The following EVI5 variants were observed in gnomAD, a reference collection of about 807,000 sequenced individuals.
EVI5 encodes ecotropic viral integration site 5 protein homolog.
A neutral mutation model predicts 112.0 loss-of-function variants in EVI5; 73 were observed. The observed-to-expected ratio is 0.65, with a 90% CI of 0.54 to 0.79. The LOEUF (loss-of-function observed/expected upper bound fraction) is 0.79. Ranked by LOEUF, EVI5 falls within the 30% of genes least tolerant of loss-of-function variation. The pLI is 0.00. For missense variants in EVI5, 900 were observed against 968.8 expected, an observed-to-expected ratio of 0.93 and a Z score of 0.94; for synonymous variants, 305 against 319.9, an observed-to-expected ratio of 0.95 and a Z score of 0.50.
intron 9 of EVI5, 131 bp downstream of exon 9, chr1:92,693,671 A>C: frequency 1.7e-6 from 1 of 597,940 alleles, no homozygotes; most frequent in East Asian, 2.8e-5. Context: ...TTCCAACATT[A>C]GCTTTATGCT....
intron 19 of EVI5, among the ~76,000 whole-genome samples, chr1:92,516,376 A>G (rs1347815957): frequency 6.6e-6 from 1 of 152,148 alleles, no homozygotes; most frequent in Non-Finnish European, 1.5e-5. Flanking sequence ...AATTATAGAA[A>G]ATTAACTATA....
rs1322270625 is a variant in EVI5, at chr1:92,607,698, T to C, written c.1857A>G (p.Arg619=). ...GTAGGCTAATCACCTCTTGTTCTGC[T>C]CTTCGAAGATGGTTACTATTGATCT... The part of the protein sequence containing the change: ...QNQINSNHLR[R]AEQEVISLQE... The change falls in exon 17 of 20, where the codon AGA becomes AGG. Residue 619 remains arginine, a synonymous_variant. Transcript: ENST00000684568. 6.2e-6 allele frequency: 10 copies of C among 1,604,142 alleles called. No individual in the cohort carries two copies. Among genetic ancestry groups the C allele is most frequent in the Non-Finnish European group, 8.5e-6 (10 of 1,175,614 alleles).
intron 1 of EVI5, chr1:92,756,234 G>A (rs920123045): frequency 1.4e-5 from 6 of 423,372 alleles, no homozygotes; most frequent in Non-Finnish European, 2.4e-5. Flanking sequence ...ATGGACCTCC[G>A]CCTTCCAACA....
At chr1:92,675,470 G>A (rs1666572213) in intron 10 of EVI5, among the ~76,000 whole-genome samples, 1 of 152,116 alleles carries the variant, frequency 6.6e-6, no homozygotes, top group Admixed American at 6.5e-5. Flanking sequence ...AGTAAGGATT[G>A]TTCATAGAAC....
intron 14 of EVI5, among the ~76,000 whole-genome samples, chr1:92,633,465 G>A (rs35148505): frequency 6.6e-6 from 1 of 152,098 alleles, no homozygotes. Context: ...TTGGTTTAAA[G>A]TCTGTTTTAT....
At chr1:92,770,414 A>C (rs1683207373) in intron 1 of EVI5, among the ~76,000 whole-genome samples, 1 of 152,228 alleles carries the variant, frequency 6.6e-6, no homozygotes, top group African/African-American at 2.4e-5. Flanking sequence ...ACATTTCTCC[A>C]CATGTGTACG....
intron 18 of EVI5, among the ~76,000 whole-genome samples, chr1:92,566,803 C>CAT (rs777444096): frequency 2.0e-5 from 2 of 97,880 alleles, no homozygotes; most frequent in Non-Finnish European, 4.1e-5. Context: ...TGTGTGCCTG[C>CAT]TTTTTTTTTT....
rs191469761 is a variant in EVI5, at chr1:92,690,381, C to A, written c.1097+3421G>T. ...TTTTTTTTTTGGAGACAGGGTCTCA[C>A]TCTATTGCCAAGGCTGAAGTACAGT... On this transcript the variant is annotated intron_variant, in intron 9 of 19. Coordinates refer to ENST00000684568, the MANE Select transcript of EVI5 (RefSeq NM_001350197.2). Among the ~76,000 whole-genome samples the A allele has an allele frequency of 2.6e-3, 382 of 148,990 alleles. 5 individuals carry two copies. Among genetic ancestry groups the A allele is most frequent in the Admixed American group, 0.017 (251 of 14,978 alleles).
chr1:92,766,856 C>T (rs770872916), intron 1 of EVI5, among the ~76,000 whole-genome samples: 2 of 152,030 alleles, frequency 1.3e-5, no homozygotes, highest in Non-Finnish European at 2.9e-5. Flanking sequence ...CCAAAGCAGG[C>T]GGATCACTTG....
rs200891304 is a variant in EVI5, at chr1:92,624,244, G to A, written c.1759C>T (p.Leu587Phe). The A allele has an allele frequency of 2.6e-5, 42 of 1,613,024 alleles. No homozygotes were observed. The highest frequency in any genetic ancestry group is 3.4e-5 in the Non-Finnish European group (40 of 1,179,378). ...ELQDELMTIR[L>F]REAETQAEIR... ...TCTGCTTGTGTTTCAGCTTCTCTAAGTCGAATGGTCATCAGTTCATCTTGT... is the reference window on the plus strand; with the variant it reads ...TCTGCTTGTGTTTCAGCTTCTCTAAATCGAATGGTCATCAGTTCATCTTGT... The change falls in exon 16 of 20, where the codon CTT becomes TTT. Residue 587 changes from leucine (L) to phenylalanine (F), a missense_variant. Transcript: ENST00000684568.
chr1:92,730,651 C>T (rs959330046), intron 2 of EVI5, among the ~76,000 whole-genome samples: 22 of 145,696 alleles, frequency 1.5e-4, no homozygotes, highest in Non-Finnish European at 3.3e-4. Context: ...CACTGCATTC[C>T]AGCCTTGGTG....
intron 3 of EVI5, chr1:92,703,924 G>A (rs1671580168): frequency 1.8e-5 from 1 of 55,494 alleles, no homozygotes; most frequent in African/African-American, 7.8e-5. Context: ...TCAAAGGGCT[G>A]TTGAAGGCAA....
intron 10 of EVI5, among the ~76,000 whole-genome samples, chr1:92,666,678 G>C (rs1305232396): frequency 6.6e-6 from 1 of 151,860 alleles, no homozygotes; most frequent in African/African-American, 2.4e-5. Flanking sequence ...AAAGGAAAAA[G>C]AAGGGAAAGG....
At chr1:92,577,910 G>C (rs941362585) in intron 18 of EVI5, among the ~76,000 whole-genome samples, 1 of 152,090 alleles carries the variant, frequency 6.6e-6, no homozygotes. Context: ...TTCTGGCTTT[G>C]TTGTTGTTTT....
chr1:92,698,475 C>T (rs146934156), intron 5 of EVI5, among the ~76,000 whole-genome samples: 2 of 152,206 alleles, frequency 1.3e-5, no homozygotes, highest in South Asian at 2.1e-4. Context: ...TCCCCTGATA[C>T]GGTAACAGTT....
At chr1:92,775,880 A>G (rs961348259) in intron 1 of EVI5, among the ~76,000 whole-genome samples, 1 of 152,124 alleles carries the variant, frequency 6.6e-6, no homozygotes, top group Admixed American at 6.6e-5. Flanking sequence ...AGGCCGAGGC[A>G]GGTGGATCAC....
chr1:92,671,807 T>TTC (rs1553235288), intron 10 of EVI5, among the ~76,000 whole-genome samples: 1 of 150,814 alleles, frequency 6.6e-6, no homozygotes, highest in Non-Finnish European at 1.5e-5. Flanking sequence ...CCATCATCTT[T>TTC]TTTTTTTTTT....
intron 18 of EVI5, among the ~76,000 whole-genome samples, chr1:92,585,200 G>A (rs1194380716): frequency 7.3e-6 from 1 of 136,274 alleles, no homozygotes; most frequent in Non-Finnish European, 1.5e-5. Flanking sequence ...TCTAGCCTAA[G>A]AGACAGAGTG....
intron 14 of EVI5, among the ~76,000 whole-genome samples, chr1:92,626,285 T>C (rs1352929585): frequency 1.3e-5 from 2 of 152,228 alleles, no homozygotes; most frequent in East Asian, 3.8e-4. Flanking sequence ...TGGACATTTC[T>C]TATAAGTGGA....
Sources: allele counts gnomAD v4.1 joint callset (sites outside exome capture counted in the v4.1 genomes callset), GRCh38; gene constraint gnomAD v4.1.1; transcripts MANE v1.5; gene names NCBI Gene and HGNC (gene_info 2026-07-23, HGNC 2026-07-21).